The following CEP57L1 variants were observed in gnomAD, a reference collection of about 807,000 sequenced individuals.
CEP57L1 encodes centrosomal protein CEP57L1.
A neutral mutation model predicts 61.0 loss-of-function variants in CEP57L1; 37 were observed. That is an observed-to-expected ratio of 0.61 (90% CI 0.47 to 0.80). The LOEUF is 0.80. Ranked by LOEUF, CEP57L1 falls within the 30% of genes least tolerant of loss-of-function variation. The probability of loss-of-function intolerance (pLI) is 0.00; values close to 1 mark genes in which losing one functional copy is unlikely to be tolerated. For synonymous variants in CEP57L1, 137 were observed against 162.3 expected (o/e 0.84, Z 1.19); for missense variants, 422 against 524.7 (o/e 0.80, Z 1.91).
chr6:109,117,414 T>C (rs1242772374), intron 1 of CEP57L1, among the ~76,000 whole-genome samples: 2 of 152,222 alleles, frequency 1.3e-5, no homozygotes, highest in African/African-American at 2.4e-5. Context: ...GGTGATCATA[T>C]TGAAGGAACC....
intron 1 of CEP57L1, among the ~76,000 whole-genome samples, chr6:109,097,443 G>A (rs537246480): frequency 4.8e-4 from 73 of 152,232 alleles, no homozygotes; most frequent in South Asian, 1.2e-3. Flanking sequence ...GACATCATCT[G>A]GTACTCTTTC....
At chr6:109,137,307 G>GT (rs1428538430) in intron 1 of CEP57L1, among the ~76,000 whole-genome samples, 2 of 150,980 alleles carry the variant, frequency 1.3e-5, no homozygotes, top group African/African-American at 4.9e-5. Flanking sequence ...CATAAGTTTT[G>GT]TTTTTTTTCT....
intron 6 of CEP57L1, among the ~76,000 whole-genome samples, chr6:109,155,576 A>G (rs186915611): frequency 7.8e-4 from 118 of 152,068 alleles, no homozygotes; most frequent in African/African-American, 2.7e-3. Flanking sequence ...ATTTCTGTAC[A>G]TATATTAAAT....
At chr6:109,140,290 AC>A (rs1451521559) in intron 1 of CEP57L1, 1 of 152,056 alleles carries the variant, frequency 6.6e-6, no homozygotes, top group African/African-American at 2.4e-5. Context: ...CTTTTGACTT[AC>A]AAAAGCCCTT....
rs185120741 is a variant in CEP57L1 at position 109,155,425 on chromosome 6, T to C, written c.657+118T>C. The stretch of plus-strand genomic sequence containing the variant: ...AATTTCTGCTTCCTAAATTGTCTTT[T>C]CGTTACAATAATGAAATTCTCAGTC... On this transcript the variant is annotated intron_variant, in intron 6 of 10. Coordinates refer to ENST00000517392, the MANE Select transcript of CEP57L1 (RefSeq NM_001271852.3). The C allele has an allele frequency of 2.7e-4, 148 of 545,886 alleles. 2 individuals are homozygous for C. The Admixed American group carries it at 5.8e-3, about 21-fold the overall frequency. The allele number at this position is 545,886 out of a possible 1,614,324, so 33.8% of individuals were successfully genotyped here.
At chr6:109,137,082 C>T (rs74944206) in intron 1 of CEP57L1, among the ~76,000 whole-genome samples, 2,578 of 151,836 alleles carry the variant, frequency 0.017, 87 homozygotes, top group African/African-American at 0.059. Context: ...CATTGTAATA[C>T]CTTTCATTAT....
intron 7 of CEP57L1, 159 bp from the exon 8 acceptor site, chr6:109,158,866 A>G (rs1192242380): frequency 3.3e-5 from 22 of 657,402 alleles, no homozygotes; most frequent in Non-Finnish European, 5.6e-5. Context: ...ATCTTTTCGT[A>G]TGTTTGTCAT....
intron 1 of CEP57L1, among the ~76,000 whole-genome samples, chr6:109,128,430 G>A (rs1773818663): frequency 6.6e-6 from 1 of 151,952 alleles, no homozygotes; most frequent in Non-Finnish European, 1.5e-5. Context: ...ATCTACTCCA[G>A]TCCTATTTTA....
At chr6:109,155,351 T>G in intron 6 of CEP57L1, 44 bp downstream of exon 6, 3 of 990,466 alleles carry the variant, frequency 3.0e-6, no homozygotes, top group Non-Finnish European at 4.3e-6. Flanking sequence ...ACCATATATG[T>G]TTTATTATAT....
At position 109,101,622 on chromosome 6, in the gene CEP57L1, TC is replaced by T. The variant is rs1395632357; in HGVS notation, c.-4+6048del. ...CACAGCTGTTTTTCTTTTTCTTTTT[TC>T]TTTTTTTTTTTTTTTGAGACGGAGT... On this transcript the variant is annotated intron_variant, in intron 1 of 10. Coordinates refer to ENST00000517392, the MANE Select transcript of CEP57L1 (RefSeq NM_001271852.3). Among the ~76,000 whole-genome samples the T allele has an allele frequency of 5.4e-3, 808 of 148,534 alleles. 16 individuals carry two copies. The highest frequency in any genetic ancestry group is 0.019 in the African/African-American group (763 of 39,562).
intron 4 of CEP57L1, among the ~76,000 whole-genome samples, chr6:109,152,730 C>T (rs1293868167): frequency 6.6e-6 from 1 of 150,422 alleles, no homozygotes; most frequent in Non-Finnish European, 1.5e-5. Flanking sequence ...CTGATAGCTG[C>T]TTTTCTATGT....
At chr6:109,137,117 A>G (rs1770832906) in intron 1 of CEP57L1, among the ~76,000 whole-genome samples, 1 of 152,144 alleles carries the variant, frequency 6.6e-6, no homozygotes, top group African/African-American at 2.4e-5. Context: ...TTCTAGAAGT[A>G]TAGTAAAAAC....
intron 6 of CEP57L1, 33 bp from the exon 7 acceptor site, chr6:109,155,758 T>A: frequency 9.1e-7 from 1 of 1,104,288 alleles, no homozygotes; most frequent in Non-Finnish European, 1.4e-6. Flanking sequence ...ATGTTACAAA[T>A]CAATGTTATA....
At chr6:109,127,620 T>G (rs1471631011) in intron 1 of CEP57L1, among the ~76,000 whole-genome samples, 1 of 151,908 alleles carries the variant, frequency 6.6e-6, no homozygotes, top group Non-Finnish European at 1.5e-5. Flanking sequence ...TTTGTTTGTT[T>G]GTTTTGTTTT....
intron 1 of CEP57L1, among the ~76,000 whole-genome samples, chr6:109,141,382 A>AT (rs1771362731): frequency 6.6e-6 from 1 of 150,722 alleles, no homozygotes; most frequent in South Asian, 2.1e-4. Context: ...CGCCTGGCTA[A>AT]TTTTTTGTAT....
In CEP57L1 at chr6:109,136,001, G is replaced by A. The variant is rs550827588; in HGVS notation, c.-3-9218G>A. On this transcript the variant is annotated intron_variant, in intron 1 of 10. Transcript: ENST00000517392. ...ACTAGTTCAACCATTGTGGAAGACA[G>A]TGTGGGGATTCCTCAGGGATCTAGA... Among the ~76,000 whole-genome samples, 38 of 152,268 alleles carry A rather than the reference G, an allele frequency of 2.5e-4. No homozygotes were observed. In the South Asian group the frequency reaches 6.8e-3, roughly 27 times the overall value.
chr6:109,141,436 A>G (rs1454228893), intron 1 of CEP57L1, among the ~76,000 whole-genome samples: 1 of 151,858 alleles, frequency 6.6e-6, no homozygotes, highest in African/African-American at 2.4e-5. Flanking sequence ...GTTGGTCTCG[A>G]ACTCCTGACC....
rs147350809 is a variant in CEP57L1 at position 109,109,602 on chromosome 6, A to G, written c.-4+14027A>G. Among the ~76,000 whole-genome samples, 1,099 of 152,370 alleles carry G rather than the reference A, an allele frequency of 7.2e-3. 11 individuals carry two copies. Among genetic ancestry groups the G allele is most frequent in the African/African-American group, 0.025 (1,032 of 41,594 alleles). ...CATATGCAGAACGTGCAGGTTTGTT[A>G]CATAGGTATACACATGCCATGTTGG... is the stretch of plus-strand genomic sequence containing the variant. On this transcript the variant is annotated intron_variant, in intron 1 of 10. Coordinates refer to ENST00000517392, the MANE Select transcript of CEP57L1 (RefSeq NM_001271852.3).
In CEP57L1 at chr6:109,162,743, C is replaced by A; in HGVS notation, c.1162-6C>A. Reference sequence around the variant, plus strand: ...ACTAAAATGTTAGATTTTTTTTTCTCTCCAGGTCTGTAAACTGCAGCAAAA... The same window carrying A: ...ACTAAAATGTTAGATTTTTTTTTCTATCCAGGTCTGTAAACTGCAGCAAAA... On this transcript the variant is annotated splice_polypyrimidine_tract_variant and splice_region_variant and intron_variant, in intron 10 of 10. Coordinates refer to ENST00000517392, the MANE Select transcript of CEP57L1 (RefSeq NM_001271852.3). 6.3e-7 allele frequency: 1 copy of A among 1,591,660 alleles called. No homozygotes were observed. The highest frequency in any genetic ancestry group is 1.1e-5 in the South Asian group (1 of 88,446).
Sources: gnomAD v4.1 joint callset for allele counts (sites outside exome capture counted in the v4.1 genomes callset) on GRCh38, gnomAD v4.1.1 for gene constraint, MANE v1.5 for transcripts, NCBI Gene and HGNC (gene_info 2026-07-23, HGNC 2026-07-21) for gene names.